POLDIP3: variants seen among roughly 807,000 people sequenced by gnomAD.
POLDIP3 encodes the protein DNA polymerase delta interacting protein 3.
Under a neutral mutation model 45.1 loss-of-function variants are expected in POLDIP3, and 14 were observed. That is an observed-to-expected ratio of 0.31 (90% CI 0.20 to 0.49). The LOEUF is 0.49. Among genes scored for constraint, POLDIP3 ranks in the 20% least tolerant of loss-of-function variants. The pLI is 0.99. For missense variants in POLDIP3, 511 were observed against 538.8 expected (o/e 0.95, Z 0.51); for synonymous variants, 223 against 205.2 (o/e 1.09, Z -0.74).
intron 4 of POLDIP3, among the ~76,000 whole-genome samples, 162 bp downstream of exon 4, chr22:42,599,536 G>A (rs1422071036): frequency 2.0e-5 from 3 of 152,198 alleles, no homozygotes; most frequent in Non-Finnish European, 4.4e-5. Context: ...CCCAGGAGAC[G>A]GAGGTTGCAG....
chr22:42,591,968 G>C lies in POLDIP3; in HGVS notation c.1008C>G (p.Asn336Lys). Residue 336 changes from asparagine (N) to lysine (K), a missense_variant, in exon 7 of 9, where the codon AAC becomes AAG. By Grantham distance (94) the Asn-to-Lys change is moderately conservative. Transcript: ENST00000252115. ...TCCCTAACTTACCGTCCAGACACCG[G>C]TTGTTGTACTTCTTATATGCGGTGA... is the stretch of plus-strand genomic sequence containing the variant. The part of the protein sequence containing the change: ...DAITAYKKYN[N>K]RCLDGQPMKC... 6.2e-7 allele frequency: 1 copy of C among 1,614,192 alleles called. No homozygotes were observed. Among genetic ancestry groups the C allele is most frequent in the Non-Finnish European group, 8.5e-7 (1 of 1,180,028 alleles).
chr22:42,588,175 G>A (rs576569990), intron 7 of POLDIP3, among the ~76,000 whole-genome samples: 1 of 152,194 alleles, frequency 6.6e-6, no homozygotes, highest in African/African-American at 2.4e-5. Flanking sequence ...GTAAAATGGG[G>A]CCGGGCGCGG....
At chr22:42,598,395 C>T (rs903430966) in intron 4 of POLDIP3, among the ~76,000 whole-genome samples, 2 of 151,728 alleles carry the variant, frequency 1.3e-5, no homozygotes, top group Admixed American at 6.6e-5. Context: ...GGACTACAGG[C>T]GCACACCACC....
intron 1 of POLDIP3, among the ~76,000 whole-genome samples, chr22:42,603,847 G>A (rs1480821433): frequency 6.6e-6 from 1 of 152,128 alleles, no homozygotes; most frequent in Non-Finnish European, 1.5e-5. Flanking sequence ...TCGCTATTTG[G>A]GTAATGGGTA....
intron 3 of POLDIP3, among the ~76,000 whole-genome samples, chr22:42,600,826 A>G (rs921905039): frequency 2.0e-5 from 3 of 151,718 alleles, no homozygotes; most frequent in Non-Finnish European, 2.9e-5. Context: ...AAAATTAGCC[A>G]GGCGCGGTGA....
chr22:42,599,884 G>C (rs1377329768), intron 3 of POLDIP3, 91 bp from the exon 4 acceptor site: 4 of 950,992 alleles, frequency 4.2e-6, no homozygotes, highest in African/African-American at 1.7e-5. Flanking sequence ...AATGGCTGCT[G>C]GAGAAACAAA....
At chr22:42,597,867 A>C (rs2146815206) in intron 4 of POLDIP3, 1 of 388,996 alleles carries the variant, frequency 2.6e-6, no homozygotes, top group East Asian at 7.5e-5. Flanking sequence ...TGCAACCTCC[A>C]CCTCGGGGTT....
At chr22:42,611,302 G>A (rs746055102) in intron 1 of POLDIP3, among the ~76,000 whole-genome samples, 4 of 152,196 alleles carry the variant, frequency 2.6e-5, no homozygotes, top group Non-Finnish European at 5.9e-5. Context: ...TTACAGGCAT[G>A]AGCAACCACT....
intron 4 of POLDIP3, 86 bp from the exon 5 acceptor site, chr22:42,596,451 C>T (rs1481834745): frequency 1.5e-6 from 2 of 1,321,186 alleles, no homozygotes; most frequent in Non-Finnish European, 2.1e-6. Context: ...TTGCTGAGAG[C>T]ATGAACCCTC....
chr22:42,614,695 G>A, intron 1 of POLDIP3, 104 bp downstream of exon 1: 1 of 1,294,352 alleles, frequency 7.7e-7, no homozygotes, highest in South Asian at 1.2e-5. Flanking sequence ...GGTCGGGGGC[G>A]GGCGCACCCG....
At chr22:42,587,485 C>CG in intron 8 of POLDIP3, 21 bp downstream of exon 8, 1 of 1,607,178 alleles carries the variant, frequency 6.2e-7, no homozygotes, top group Non-Finnish European at 8.5e-7. Flanking sequence ...CTCTCCCCAG[C>CG]ACCCCGCCTT....
rs1349212015 is a variant in POLDIP3, at chr22:42,585,418, G to C, written c.*373C>G. 2.7e-6 allele frequency: 1 copy of C among 364,502 alleles called. No individual in the cohort carries two copies. The highest frequency in any genetic ancestry group is 3.7e-5 in the Admixed American group (1 of 26,880). The allele number at this position is 364,502 out of a possible 1,614,324, so 22.6% of individuals were successfully genotyped here. ...GCCCCTCGGCCCCTGGAAAAAGCAGGGTCCTTCAGACAGCCCCCACGCTGC... is the reference window on the plus strand; with the variant it reads ...GCCCCTCGGCCCCTGGAAAAAGCAGCGTCCTTCAGACAGCCCCCACGCTGC... On this transcript the variant is annotated 3_prime_UTR_variant, in exon 9 of 9. Transcript: ENST00000252115.
chr22:42,602,855 C>T lies in POLDIP3; in HGVS notation c.365G>A (p.Ser122Asn). 1 of 1,613,450 alleles carries T rather than the reference C, an allele frequency of 6.2e-7. No individual in the cohort carries two copies. Among genetic ancestry groups the T allele is most frequent in the Non-Finnish European group, 8.5e-7 (1 of 1,180,026 alleles). ...RQVADAREKI[S>N]LKRSSPAAFI... ...GGCAGCAGGGGAACTCCTCTTCAAG[C>T]TGATCTTCTCCCGGGCATCAGCAAC... Residue 122 changes from serine (S) to asparagine (N), a missense_variant, in exon 2 of 9, where the codon AGC (serine) becomes AAC (asparagine). Coordinates refer to ENST00000252115, the MANE Select transcript of POLDIP3 (RefSeq NM_032311.5).
chr22:42,593,245 G>A (rs1925778222), intron 6 of POLDIP3, among the ~76,000 whole-genome samples: 1 of 152,084 alleles, frequency 6.6e-6, no homozygotes, highest in South Asian at 2.1e-4. Context: ...TCATTCAGTG[G>A]TTGGCTAAAT....
chr22:42,602,652 T>C, intron 2 of POLDIP3, 118 bp downstream of exon 2: 1 of 1,194,346 alleles, frequency 8.4e-7, no homozygotes, highest in Non-Finnish European at 1.2e-6. Context: ...GAGCAAAGTC[T>C]GTATTATGCC....
Position 42,584,978 on chromosome 22 carries a change from G to A in POLDIP3, c.*813C>T, listed in dbSNP as rs1038277414. The A allele has an allele frequency of 3.1e-5, 14 of 456,166 alleles. No individual in the cohort carries two copies. The highest frequency in any genetic ancestry group is 7.0e-5 in the Admixed American group (3 of 42,566). The allele number at this position is 456,166 out of a possible 1,614,324, so 28.3% of individuals were successfully genotyped here. On this transcript the variant is annotated 3_prime_UTR_variant, in exon 9 of 9. Coordinates refer to ENST00000252115, the MANE Select transcript of POLDIP3 (RefSeq NM_032311.5). ...GAGCTGGCGGCTACACAAAACCAGG[G>A]TGTGGTTAAGTGCCAGGCGAGGTGA...
intron 1 of POLDIP3, among the ~76,000 whole-genome samples, chr22:42,610,201 T>C (rs570981824): frequency 1.3e-5 from 2 of 152,270 alleles, no homozygotes; most frequent in South Asian, 2.1e-4. Context: ...AATAAAATAC[T>C]ATCCCCTTAC....
chr22:42,595,355 C>T (rs1303927993), intron 6 of POLDIP3, among the ~76,000 whole-genome samples, 182 bp downstream of exon 6: 1 of 152,228 alleles, frequency 6.6e-6, no homozygotes, highest in Non-Finnish European at 1.5e-5. Context: ...CGTTTCCCCC[C>T]GACTTCACCC....
chr22:42,589,402 T>G (rs919375922), intron 7 of POLDIP3, among the ~76,000 whole-genome samples: 7 of 152,196 alleles, frequency 4.6e-5, no homozygotes, highest in Non-Finnish European at 1.0e-4. Context: ...GATTTAAATT[T>G]GACTGAAGGG....
Sources: gnomAD v4.1 joint callset for allele counts (sites outside exome capture counted in the v4.1 genomes callset) on GRCh38, gnomAD v4.1.1 for gene constraint, MANE v1.5 for transcripts, NCBI Gene and HGNC (gene_info 2026-07-23, HGNC 2026-07-21) for gene names.